The following DPP9 variants were observed in gnomAD, a reference collection of about 807,000 sequenced individuals.
DPP9 encodes dipeptidyl peptidase IV-related protein-2.
In DPP9, 50 loss-of-function variants were observed where a neutral mutation model predicts 110.7. The ratio of observed to expected loss-of-function variants is 0.45; its 90% CI spans 0.36 to 0.57. The LOEUF (loss-of-function observed/expected upper bound fraction) is 0.57, where lower values mean the gene tolerates loss of function less well. Among genes scored for constraint, DPP9 ranks in the 20% least tolerant of loss-of-function variants. DPP9 has a pLI of 0.00. For synonymous variants in DPP9, 561 were observed against 514.4 expected, an observed-to-expected ratio of 1.09 and a Z score of -1.23; for missense variants, 1,022 against 1,217.9, an observed-to-expected ratio of 0.84 and a Z score of 2.39.
intron 19 of DPP9, 88 bp downstream of exon 19, chr19:4,683,389 G>T: frequency 1.9e-6 from 3 of 1,570,718 alleles, no homozygotes; most frequent in South Asian, 2.3e-5. Context: ...GGTGGGCTCC[G>T]GGTGGCGCGG....
rs2277732 is a variant in DPP9, at chr19:4,723,658, C to A, written c.-89+16G>T. 0.24 allele frequency: 37,937 copies of A among 156,654 alleles called. 5,209 individuals carry two copies. The highest frequency in any genetic ancestry group is 0.3 in the Non-Finnish European group (21,628 of 70,990). 9.7% of individuals were successfully genotyped at this position (156,654 alleles called of 1,614,324 possible). The stretch of plus-strand genomic sequence containing the variant: ...GTCGCGGCCGGGGCGGGACGAGGCG[C>A]GCGGGCGCTGCTCACCGGGACGTGG... On this transcript the variant is annotated intron_variant, in intron 1 of 21. Coordinates refer to ENST00000262960, the MANE Select transcript of DPP9 (RefSeq NM_139159.5).
In DPP9 at chr19:4,697,659, G is replaced by T. The variant is rs2091914306; in HGVS notation, c.1075-8C>A. On this transcript the variant is annotated splice_region_variant and splice_polypyrimidine_tract_variant and intron_variant, in intron 10 of 21. Transcript: ENST00000262960. ...CTCCTGGGTCGAGACGATCTGAAGG[G>T]AAACAAACAGGTGTGGGTCATGCCC... is the stretch of plus-strand genomic sequence containing the variant. 7 of 1,612,866 alleles carry T rather than the reference G, an allele frequency of 4.3e-6. No homozygotes were observed. The highest frequency in any genetic ancestry group is 1.7e-5 in the Admixed American group (1 of 59,968).
At chr19:4,706,366 A>G (rs1240386053) in intron 4 of DPP9, among the ~76,000 whole-genome samples, 1 of 151,766 alleles carries the variant, frequency 6.6e-6, no homozygotes, top group Non-Finnish European at 1.5e-5. Flanking sequence ...AAGAAAAAAG[A>G]AAGAAAAATA....
At position 4,713,949 on chromosome 19, in the gene DPP9, G is replaced by C. The variant is rs2092957117; in HGVS notation, c.313+132C>G. 5 of 1,353,528 alleles carry C rather than the reference G, an allele frequency of 3.7e-6. No individual in the cohort carries two copies. The South Asian group carries it at 7.7e-5, about 21-fold the overall frequency. The allele number at this position is 1,353,528 out of a possible 1,614,324, so 83.8% of individuals were successfully genotyped here. ...GAGCTGTCTGTGGCTGAGCCTCGAAGGACAGCATGCCCAGGGCCCAGCCAT... is the reference window on the plus strand; with the variant it reads ...GAGCTGTCTGTGGCTGAGCCTCGAACGACAGCATGCCCAGGGCCCAGCCAT... On this transcript the variant is annotated intron_variant, in intron 4 of 21. Transcript: ENST00000262960.
At chr19:4,707,213 C>T (rs1294860337) in intron 4 of DPP9, among the ~76,000 whole-genome samples, 2 of 152,194 alleles carry the variant, frequency 1.3e-5, no homozygotes, top group Non-Finnish European at 2.9e-5. Flanking sequence ...CGCGGCTTTC[C>T]ACCTACGCAT....
intron 20 of DPP9, among the ~76,000 whole-genome samples, chr19:4,681,432 C>G (rs552929988): frequency 6.6e-5 from 10 of 152,180 alleles, no homozygotes; most frequent in African/African-American, 2.4e-4. Flanking sequence ...TCTCCTGCCT[C>G]GGCCTCCTTG....
chr19:4,700,200 C>T lies in DPP9; in HGVS notation c.1074+16G>A, dbSNP rs1286605979. ...ATCATCTAGTAGATTATCTGGTATG[C>T]AGCAGGCCCCCTTACCTTGCCCTGG... On this transcript the variant is annotated intron_variant, in intron 10 of 21. Coordinates refer to ENST00000262960, the MANE Select transcript of DPP9 (RefSeq NM_139159.5). This position sits in a 1 kb window ranked among gnomAD's most constrained non-coding sequence, Gnocchi z 4.3. 6.4e-7 allele frequency: 1 copy of T among 1,554,838 alleles called. No individual in the cohort carries two copies. The highest frequency in any genetic ancestry group is 8.8e-7 in the Non-Finnish European group (1 of 1,140,624).
intron 18 of DPP9, chr19:4,683,959 T>C: frequency 3.0e-6 from 2 of 656,616 alleles, no homozygotes; most frequent in Non-Finnish European, 2.4e-6. Context: ...AAAAGACGGG[T>C]GCCCAGGCAT....
At chr19:4,712,928 C>T (rs1293966934) in intron 4 of DPP9, among the ~76,000 whole-genome samples, 2 of 152,220 alleles carry the variant, frequency 1.3e-5, no homozygotes, top group African/African-American at 2.4e-5. Context: ...TGGCTGGGGG[C>T]TGCAGCACAC....
Position 4,689,049 on chromosome 19 carries a change from G to T in DPP9, c.1750-157C>A, listed in dbSNP as rs879407878. 6.7e-6 allele frequency among the ~76,000 whole-genome samples: 1 copy of T among 150,218 alleles called. No homozygotes were observed. Among genetic ancestry groups the T allele is most frequent in the Non-Finnish European group, 1.5e-5 (1 of 67,548 alleles). The stretch of plus-strand genomic sequence containing the variant: ...CAAAGCTCCACCCGCTGCTGCAAGG[G>T]GGGCACCACTGCCATCGCCCCATTC... On this transcript the variant is annotated intron_variant, in intron 15 of 21. Coordinates refer to ENST00000262960, the MANE Select transcript of DPP9 (RefSeq NM_139159.5). This position sits in a 1 kb window ranked among gnomAD's most constrained non-coding sequence, Gnocchi z 7.0.
At chr19:4,722,673 T>C (rs1326863785) in intron 1 of DPP9, 122 bp from the exon 2 acceptor site, 5 of 667,160 alleles carry the variant, frequency 7.5e-6, no homozygotes, top group South Asian at 6.6e-5. Context: ...AGATTCTAGC[T>C]CTGCCTTGAA....
At chr19:4,719,473 G>C (rs2109070) in intron 3 of DPP9, 68,942 of 255,442 alleles carry the variant, frequency 0.27, 10,026 homozygotes, top group Non-Finnish European at 0.31. Flanking sequence ...CTTACACTGA[G>C]ATCAGCAGTT....
Position 4,694,311 on chromosome 19 carries a change from T to G in DPP9, c.1516+350A>C, listed in dbSNP as rs2091595343. On this transcript the variant is annotated intron_variant, in intron 13 of 21. Coordinates refer to ENST00000262960, the MANE Select transcript of DPP9 (RefSeq NM_139159.5). The surrounding 1 kb of genome is among the most constrained non-coding windows in gnomAD (Gnocchi z 4.0). ...GCAGCACAAAAGCGACCACAGACAG[T>G]CTCTGTAAACAAGTGGCTGTGGCTC... 5 of 439,152 alleles carry G rather than the reference T, an allele frequency of 1.1e-5. No homozygotes were observed. Among genetic ancestry groups the G allele is most frequent in the Non-Finnish European group, 1.6e-5 (4 of 247,572 alleles). 27.2% of individuals were successfully genotyped at this position (439,152 alleles called of 1,614,324 possible).
chr19:4,721,541 G>A (rs1223640313), intron 2 of DPP9, among the ~76,000 whole-genome samples: 1 of 152,220 alleles, frequency 6.6e-6, no homozygotes, highest in Non-Finnish European at 1.5e-5. Flanking sequence ...AGCACTTTGG[G>A]GGGCTGAGGC....
Position 4,706,089 on chromosome 19 carries a change from C to T in DPP9, c.314-119G>A, listed in dbSNP as rs149976999. 648 of 832,182 alleles carry T rather than the reference C, an allele frequency of 7.8e-4. 8 individuals carry two copies. In the East Asian group the frequency reaches 0.018, roughly 23 times the overall value. 51.5% of individuals were successfully genotyped at this position (832,182 alleles called of 1,614,324 possible). On this transcript the variant is annotated intron_variant, in intron 4 of 21. Transcript: ENST00000262960. ...CTTCTAGAACATTCTGCCAGGCCGC[C>T]GGCGGGACAGCCCTCCCCGGAAAGC...
Position 4,693,079 on chromosome 19 carries a change from C to A in DPP9, c.1516+1582G>T, listed in dbSNP as rs557808409. Among the ~76,000 whole-genome samples, 355 of 152,252 alleles carry A rather than the reference C, an allele frequency of 2.3e-3. 3 individuals are homozygous for A. The highest frequency in any genetic ancestry group is 4.0e-3 in the Non-Finnish European group (270 of 68,000). ...GCCTTGGCTGCTGTGTGGGCTCTGCCCCCAGAGGGCACCGGACCACATCTA... is the reference window on the plus strand; with the variant it reads ...GCCTTGGCTGCTGTGTGGGCTCTGCACCCAGAGGGCACCGGACCACATCTA... On this transcript the variant is annotated intron_variant, in intron 13 of 21. Coordinates refer to ENST00000262960, the MANE Select transcript of DPP9 (RefSeq NM_139159.5). The surrounding 1 kb of genome is among the most constrained non-coding windows in gnomAD (Gnocchi z 5.0).
rs143764661 is a variant in DPP9, at chr19:4,714,966, T to G, written c.57-629A>C. Among the ~76,000 whole-genome samples the G allele has an allele frequency of 3.3e-3, 502 of 150,792 alleles. 3 individuals carry two copies. The highest frequency in any genetic ancestry group is 0.012 in the African/African-American group (478 of 41,070). On this transcript the variant is annotated intron_variant, in intron 3 of 21. Coordinates refer to ENST00000262960, the MANE Select transcript of DPP9 (RefSeq NM_139159.5). ...CACATGCTGGCCCTCCTGCTCGGAG[T>G]GCATTTTTCCTCACTTTGCTTAACT...
rs901646256 is a variant in DPP9, at chr19:4,689,259, C to T, written c.1749+311G>A. Among the ~76,000 whole-genome samples the T allele has an allele frequency of 6.6e-6, 1 of 152,194 alleles. No homozygotes were observed. Among genetic ancestry groups the T allele is most frequent in the Non-Finnish European group, 1.5e-5 (1 of 68,026 alleles). On this transcript the variant is annotated intron_variant, in intron 15 of 21. Coordinates refer to ENST00000262960, the MANE Select transcript of DPP9 (RefSeq NM_139159.5). The surrounding 1 kb of genome is among the most constrained non-coding windows in gnomAD (Gnocchi z 7.0). ...TAGGGGTGGCCCTCTGCATGGCCAC[C>T]GCCTGACATTCTAGAATGTTCTGAG...
intron 9 of DPP9, among the ~76,000 whole-genome samples, chr19:4,701,312 T>G (rs2092237811): frequency 6.6e-6 from 1 of 151,870 alleles, no homozygotes; most frequent in African/African-American, 2.4e-5. Flanking sequence ...TACAGAAAAT[T>G]TAAATATTAG....
Sources: gnomAD v4.1 joint callset for allele counts (sites outside exome capture counted in the v4.1 genomes callset) on GRCh38, gnomAD v4.1.1 for gene constraint, Gnocchi (gnomAD v3.1) non-coding constraint, MANE v1.5 for transcripts, NCBI Gene and HGNC (gene_info 2026-07-23, HGNC 2026-07-21) for gene names.